Variants in ELMOD2 observed in about 807,000 individuals in gnomAD.
ELMOD2 encodes ELMO domain containing 2.
In ELMOD2, 28 loss-of-function variants were observed where a neutral mutation model predicts 41.0. The observed-to-expected ratio is 0.68, with a 90% confidence interval of 0.51 to 0.94. The LOEUF is 0.94. Among genes scored for constraint, ELMOD2 ranks in the 40% least tolerant of loss-of-function variants. The probability of loss-of-function intolerance (pLI) is 0.00; values close to 1 mark genes in which losing one functional copy is unlikely to be tolerated. For synonymous variants in ELMOD2, 106 were observed against 107.2 expected (o/e 0.99, Z 0.07); for missense variants, 333 against 343.1 (o/e 0.97, Z 0.23).
chr4:140,553,018 A>C lies in ELMOD2; in HGVS notation c.*2643A>C, dbSNP rs556334204. On this transcript the variant is annotated 3_prime_UTR_variant, in exon 9 of 9. Coordinates refer to ENST00000323570, the MANE Select transcript of ELMOD2 (RefSeq NM_153702.4). ...TTTAGAAAACAATCTTTTTCTTAAA[A>C]ATGCCCATCTGATTTCTATTTTTAG... 7 of 152,244 alleles carry C rather than the reference A, an allele frequency of 4.6e-5. No individual in the cohort carries two copies. The highest frequency in any genetic ancestry group is 1.0e-4 in the Non-Finnish European group (7 of 67,988). The allele number at this position is 152,244 out of a possible 1,614,324, so 9.4% of individuals were successfully genotyped here.
chr4:140,536,339 A>T (rs1457716414), intron 4 of ELMOD2, among the ~76,000 whole-genome samples: 1 of 152,182 alleles, frequency 6.6e-6, no homozygotes, highest in Non-Finnish European at 1.5e-5. Context: ...GTATGTTGAC[A>T]TAGTATTTCA....
intron 2 of ELMOD2, among the ~76,000 whole-genome samples, chr4:140,527,005 AGGGTT>A (rs2110816708): frequency 6.6e-6 from 1 of 152,326 alleles, no homozygotes; most frequent in South Asian, 2.1e-4. Flanking sequence ...TGGTGACAGA[AGGGTT>A]GACCAGATAA....
chr4:140,528,205 G>A (rs1734632375), intron 3 of ELMOD2, among the ~76,000 whole-genome samples: 1 of 152,214 alleles, frequency 6.6e-6, no homozygotes, highest in Non-Finnish European at 1.5e-5. Context: ...TCAAGGGGTG[G>A]AGAAATATGA....
Position 140,525,456 on chromosome 4 carries a change from T to A in ELMOD2, c.28T>A (p.Tyr10Asn). The change falls in exon 2 of 9, where the codon TAT becomes AAT. Residue 10 changes from tyrosine to asparagine, a missense_variant. Coordinates refer to ENST00000323570, the MANE Select transcript of ELMOD2 (RefSeq NM_153702.4). ...GTTTATTTCTTTGTGGGAGTTCTTC[T>A]ATGGGCACTTTTTTCGATTTTGGAT... The part of the protein sequence containing the change: MFISLWEFF[Y>N]GHFFRFWMKW... The A allele has an allele frequency of 6.2e-7, 1 of 1,613,928 alleles. No homozygotes were observed.
intron 1 of ELMOD2, 113 bp from the exon 2 acceptor site, chr4:140,525,307 C>CATTTTTG (rs1233591648): frequency 8.7e-7 from 1 of 1,155,044 alleles, no homozygotes; most frequent in African/African-American, 1.6e-5. Context: ...TCAAAACAGA[C>CATTTTTG]ACAATGAAAT....
intron 3 of ELMOD2, among the ~76,000 whole-genome samples, chr4:140,528,371 A>T (rs1424308613): frequency 6.6e-6 from 1 of 152,218 alleles, no homozygotes; most frequent in Non-Finnish European, 1.5e-5. Context: ...TGTGGCAAGG[A>T]TAGAATACGG....
intron 3 of ELMOD2, among the ~76,000 whole-genome samples, chr4:140,531,386 A>G (rs1734742392): frequency 6.6e-6 from 1 of 152,234 alleles, no homozygotes; most frequent in Non-Finnish European, 1.5e-5. Context: ...TTAATGACTT[A>G]TTCGAATTTG....
chr4:140,533,765 A>G (rs982986158), intron 3 of ELMOD2, among the ~76,000 whole-genome samples: 3 of 152,178 alleles, frequency 2.0e-5, no homozygotes, highest in Admixed American at 6.5e-5. Flanking sequence ...AGTAATAAAA[A>G]GGCAACAGAA....
rs1390336163 is a variant in ELMOD2, at chr4:140,543,551, G to A, written c.701G>A (p.Gly234Asp). The change falls in exon 8 of 9, where the codon GGT becomes GAT. Residue 234 changes from glycine (G) to aspartate (D), a missense_variant. Coordinates refer to ENST00000323570, the MANE Select transcript of ELMOD2 (RefSeq NM_153702.4). ...LKFHLYNLVP[G>D]IPTMEHFHQF... ...TTTCATCTCTATAACCTTGTTCCTG[G>A]TATACCAACAATGGAACACTTTCAT... is the stretch of plus-strand genomic sequence containing the variant. The A allele has an allele frequency of 6.2e-7, 1 of 1,602,998 alleles. No individual in the cohort carries two copies. The highest frequency in any genetic ancestry group is 8.5e-7 in the Non-Finnish European group (1 of 1,176,940).
rs578262412 is a variant in ELMOD2 at position 140,529,490 on chromosome 4, A to G, written c.171+1996A>G. Among the ~76,000 whole-genome samples, 12 of 152,298 alleles carry G rather than the reference A, an allele frequency of 7.9e-5. No homozygotes were observed. In the South Asian group the frequency reaches 1.7e-3, roughly 21 times the overall value. On this transcript the variant is annotated intron_variant, in intron 3 of 8. Coordinates refer to ENST00000323570, the MANE Select transcript of ELMOD2 (RefSeq NM_153702.4). ...ATTTTTTCAGTAGTGTGTTCCTCCA[A>G]ATAACCTTGACATCTCTCAGCCTGG... is the stretch of plus-strand genomic sequence containing the variant.
intron 5 of ELMOD2, among the ~76,000 whole-genome samples, chr4:140,539,203 G>T (rs965533918): frequency 1.3e-5 from 2 of 152,144 alleles, no homozygotes; most frequent in Non-Finnish European, 2.9e-5. Context: ...GGAAAAAAAT[G>T]AAAGTATTTC....
intron 3 of ELMOD2, among the ~76,000 whole-genome samples, chr4:140,530,745 C>A (rs2110829184): frequency 6.6e-6 from 1 of 152,202 alleles, no homozygotes; most frequent in Non-Finnish European, 1.5e-5. Flanking sequence ...CAGAGGTAGC[C>A]TTATCAATTT....
intron 3 of ELMOD2, among the ~76,000 whole-genome samples, chr4:140,531,744 C>T (rs981987805): frequency 6.6e-6 from 1 of 152,170 alleles, no homozygotes; most frequent in Non-Finnish European, 1.5e-5. Context: ...ATTCTATGAA[C>T]AACTTTATGC....
chr4:140,535,752 A>G lies in ELMOD2; in HGVS notation c.191A>G (p.His64Arg). ...SKNKVLQKATHVVQSEVDKYV... is the reference protein window; with the variant it reads ...SKNKVLQKATRVVQSEVDKYV... ...AAATAGGTTTTACAGAAGGCGACAC[A>G]TGTTGTTCAGAGTGAAGTGGACAAA... Residue 64 changes from histidine to arginine, a missense_variant, in exon 4 of 9, where the codon CAT (histidine) becomes CGT (arginine). By Grantham distance (29) the His-to-Arg change is conservative. Coordinates refer to ENST00000323570, the MANE Select transcript of ELMOD2 (RefSeq NM_153702.4). The G allele has an allele frequency of 6.2e-7, 1 of 1,610,450 alleles. No homozygotes were observed. Among genetic ancestry groups the G allele is most frequent in the Non-Finnish European group, 8.5e-7 (1 of 1,179,062 alleles).
At chr4:140,534,160 G>A (rs760795961) in intron 3 of ELMOD2, among the ~76,000 whole-genome samples, 2 of 152,114 alleles carry the variant, frequency 1.3e-5, no homozygotes, top group Non-Finnish European at 2.9e-5. Context: ...CCAGTACCAG[G>A]AGAATGAATA....
rs557028027 is a variant in ELMOD2, at chr4:140,542,472, A to G, written c.534-102A>G. 9.0e-6 allele frequency: 7 copies of G among 774,734 alleles called. No individual in the cohort carries two copies. In the African/African-American group the frequency reaches 1.2e-4, roughly 13 times the overall value. The allele number at this position is 774,734 out of a possible 1,614,324, so 48.0% of individuals were successfully genotyped here. ...GACAGATATCAGGATACTCATGGCA[A>G]TACTAGGACTATGATTTTGACAGTA... On this transcript the variant is annotated intron_variant, in intron 6 of 8. Coordinates refer to ENST00000323570, the MANE Select transcript of ELMOD2 (RefSeq NM_153702.4).
At chr4:140,526,190 G>T (rs563877172) in intron 2 of ELMOD2, among the ~76,000 whole-genome samples, 11 of 152,260 alleles carry the variant, frequency 7.2e-5, no homozygotes, top group Admixed American at 2.6e-4. Flanking sequence ...TTCTTTGTAT[G>T]TTGAAATGGT....
At chr4:140,535,258 T>C (rs139607555) in intron 3 of ELMOD2, among the ~76,000 whole-genome samples, 128 of 152,180 alleles carry the variant, frequency 8.4e-4, no homozygotes, top group African/African-American at 2.7e-3. Flanking sequence ...TTGTGAACTG[T>C]TCTTCAGTAT....
At chr4:140,524,526 T>G (rs1734488360) in intron 1 of ELMOD2, 1 of 917,652 alleles carries the variant, frequency 1.1e-6, no homozygotes, top group Non-Finnish European at 1.3e-6. Flanking sequence ...AGTTCTGCGC[T>G]TTTGTCCTAA....
Sources: gnomAD v4.1 joint callset for allele counts (sites outside exome capture counted in the v4.1 genomes callset) on GRCh38, gnomAD v4.1.1 for gene constraint, MANE v1.5 for transcripts, NCBI Gene and HGNC (gene_info 2026-07-23, HGNC 2026-07-21) for gene names.